The following GSAP variants were observed in gnomAD, a reference collection of about 807,000 sequenced individuals.
GSAP encodes gamma-secretase-activating protein.
Under a neutral mutation model 131.7 loss-of-function variants are expected in GSAP, and 118 were observed. That is an observed-to-expected ratio of 0.90 (90% confidence interval 0.77 to 1.04). The LOEUF is 1.04. Ranked by LOEUF, GSAP falls within the 50% of genes least tolerant of loss-of-function variation. GSAP has a pLI of 0.00. For synonymous variants in GSAP, 381 were observed against 363.4 expected (o/e 1.05, Z -0.55); for missense variants, 1,019 against 1,013.2 (o/e 1.01, Z -0.08).
rs996285874 is a variant in GSAP, at chr7:77,375,145, T to C, written c.742-44A>G. ...AAAATGAACCCAAAATGACAGAAAG[T>C]GATGACAGTTCTGAAAACCAGAGCA... On this transcript the variant is annotated intron_variant, in intron 10 of 30. Transcript: ENST00000257626. 6.8e-6 allele frequency: 8 copies of C among 1,176,510 alleles called. No homozygotes were observed. In the East Asian group the frequency reaches 1.9e-4, roughly 28 times the overall value. 72.9% of individuals were successfully genotyped at this position (1,176,510 alleles called of 1,614,324 possible). A position where few individuals can be genotyped will look rare whatever the true frequency, so the allele number is the denominator to read the frequency against.
chr7:77,340,462 T>A (rs1394582318), intron 19 of GSAP, among the ~76,000 whole-genome samples: 1 of 152,152 alleles, frequency 6.6e-6, no homozygotes, highest in Non-Finnish European at 1.5e-5. Flanking sequence ...GCCTACAACC[T>A]TGGGTCCTCA....
intron 8 of GSAP, among the ~76,000 whole-genome samples, chr7:77,380,720 T>C (rs1797670839): frequency 1.3e-5 from 2 of 151,172 alleles, no homozygotes; most frequent in African/African-American, 2.4e-5. Context: ...AAAAAAAAAG[T>C]ACATGTGGAA....
intron 14 of GSAP, among the ~76,000 whole-genome samples, 159 bp from the exon 15 acceptor site, chr7:77,355,806 T>TTTTTTTTTTTTTG (rs1491301610): frequency 7.7e-6 from 1 of 129,512 alleles, no homozygotes; most frequent in African/African-American, 2.8e-5. Context: ...TTTTTTTTTT[T>TTTTTTTTTTTTTG]AAGACAGGGT....
chr7:77,416,149 TCCGGG>T (rs1316401568), intron 1 of GSAP, 59 bp downstream of exon 1: 1 of 966,102 alleles, frequency 1.0e-6, no homozygotes, highest in Non-Finnish European at 1.4e-6. Context: ...CGGGTCGGAG[TCCGGG>T]GGGTATGAGG....
At chr7:77,389,284 T>C (rs1332064199) in intron 5 of GSAP, among the ~76,000 whole-genome samples, 2 of 150,924 alleles carry the variant, frequency 1.3e-5, no homozygotes, top group East Asian at 3.9e-4. Flanking sequence ...AAAGTATGTG[T>C]GTGTGTATAT....
intron 16 of GSAP, 111 bp from the exon 17 acceptor site, chr7:77,353,752 T>G (rs766951274): frequency 6.0e-5 from 40 of 661,588 alleles, no homozygotes; most frequent in Non-Finnish European, 8.7e-5. Flanking sequence ...TATTTTAGAA[T>G]TGCCTAAGAA....
chr7:77,350,041 C>T (rs1792552242), intron 18 of GSAP, among the ~76,000 whole-genome samples: 1 of 151,932 alleles, frequency 6.6e-6, no homozygotes, highest in East Asian at 1.9e-4. Flanking sequence ...CAATGATAGA[C>T]TGGATTAAGA....
chr7:77,386,604 C>T (rs1798603701), intron 6 of GSAP, among the ~76,000 whole-genome samples: 1 of 152,186 alleles, frequency 6.6e-6, no homozygotes, highest in South Asian at 2.1e-4. Context: ...TGTTTTCTCC[C>T]TAAGGCATCT....
intron 5 of GSAP, among the ~76,000 whole-genome samples, chr7:77,391,364 T>C (rs77851022): frequency 0.012 from 1,840 of 152,122 alleles, 32 homozygotes; most frequent in African/African-American, 0.042. Context: ...CCTTTGCAAA[T>C]AGTAATTTCT....
intron 11 of GSAP, 60 bp downstream of exon 11, chr7:77,374,998 A>C (rs1469792661): frequency 1.2e-6 from 1 of 800,420 alleles, no homozygotes; most frequent in African/African-American, 1.8e-5. Context: ...GTACGAATAA[A>C]TATAATCATT....
chr7:77,355,011 A>G (rs971894362), intron 16 of GSAP, among the ~76,000 whole-genome samples: 2 of 152,238 alleles, frequency 1.3e-5, no homozygotes, highest in African/African-American at 4.8e-5. Flanking sequence ...GGGGGTACCC[A>G]AAAGAACAGA....
chr7:77,382,521 G>T, intron 7 of GSAP, 53 bp downstream of exon 7: 1 of 916,442 alleles, frequency 1.1e-6, no homozygotes, highest in South Asian at 1.3e-5. Flanking sequence ...ACCACACTAG[G>T]AGACGATATG....
intron 3 of GSAP, among the ~76,000 whole-genome samples, chr7:77,402,329 G>A (rs1404719974): frequency 5.5e-5 from 8 of 146,480 alleles, no homozygotes; most frequent in East Asian, 2.0e-4. Context: ...GGCAGATCAC[G>A]AGGTCAAGAG....
chr7:77,371,203 C>G (rs767810068), intron 12 of GSAP, among the ~76,000 whole-genome samples: 16 of 152,120 alleles, frequency 1.1e-4, no homozygotes, highest in Non-Finnish European at 1.8e-4. Context: ...CCTCAGTAAA[C>G]GACACTACTG....
At chr7:77,358,105 C>T (rs916190886) in intron 14 of GSAP, among the ~76,000 whole-genome samples, 2 of 152,308 alleles carry the variant, frequency 1.3e-5, no homozygotes, top group African/African-American at 2.4e-5. Context: ...CTTTGGGAGG[C>T]TGAGGCAGGT....
intron 26 of GSAP, among the ~76,000 whole-genome samples, chr7:77,317,708 A>C (rs368901211): frequency 1.3e-5 from 2 of 152,332 alleles, no homozygotes; most frequent in East Asian, 3.9e-4. Context: ...GTCCCCAGTA[A>C]GTCAGTTTCA....
At chr7:77,329,203 A>T (rs1584282603) in intron 21 of GSAP, 130 bp downstream of exon 21, 1 of 506,694 alleles carries the variant, frequency 2.0e-6, no homozygotes, top group East Asian at 3.5e-5. Context: ...TGCATTCATG[A>T]AGCTGACAAT....
At chr7:77,356,228 G>A (rs76509024) in intron 14 of GSAP, among the ~76,000 whole-genome samples, 127 of 152,262 alleles carry the variant, frequency 8.3e-4, no homozygotes, top group African/African-American at 2.8e-3. Flanking sequence ...ATTTTCTTCA[G>A]ATATTTAGCT....
intron 12 of GSAP, among the ~76,000 whole-genome samples, chr7:77,366,750 T>C (rs1361585387): frequency 2.0e-5 from 3 of 152,204 alleles, no homozygotes; most frequent in Non-Finnish European, 2.9e-5. Flanking sequence ...AGACAGTTTT[T>C]TCTAGTTCTG....
Sources: allele counts gnomAD v4.1 joint callset (sites outside exome capture counted in the v4.1 genomes callset), GRCh38; gene constraint gnomAD v4.1.1; transcripts MANE v1.5; gene names NCBI Gene and HGNC (gene_info 2026-07-23, HGNC 2026-07-21).